ZBTB20: variants seen among roughly 807,000 people sequenced by gnomAD.
The protein encoded by ZBTB20 is zinc finger and BTB domain-containing protein 20.
In ZBTB20, 9 loss-of-function variants were observed where a neutral mutation model predicts 56.9. The observed-to-expected ratio is 0.16, with a 90% CI of 0.10 to 0.28. ZBTB20 has a LOEUF of 0.28. Among genes scored for constraint, ZBTB20 ranks in the 10% least tolerant of loss-of-function variants. The pLI is 1.00. For synonymous variants in ZBTB20, 417 were observed against 420.7 expected (o/e 0.99, Z 0.11); for missense variants, 655 against 1,003.0 (o/e 0.65, Z 4.69).
intron 6 of ZBTB20, among the ~76,000 whole-genome samples, chr3:114,603,657 A>G (rs188904132): frequency 6.6e-6 from 1 of 152,114 alleles, no homozygotes. Flanking sequence ...AGATAAAAGG[A>G]TTATCATCTT....
chr3:114,326,446 T>A lies in ZBTB20; in HGVS notation c.*12559A>T, dbSNP rs1254739285. On this transcript the variant is annotated 3_prime_UTR_variant, in exon 12 of 12. Coordinates refer to ENST00000675478, the MANE Select transcript of ZBTB20 (RefSeq NM_001348800.3). ...AGAGAATTTCTCTCTTAAAAGCTCA[T>A]GAGTGCTATTTGAAATGGAAGATAA... The A allele has an allele frequency of 1.3e-5, 2 of 152,102 alleles. No homozygotes were observed. Among genetic ancestry groups the A allele is most frequent in the Non-Finnish European group, 2.9e-5 (2 of 68,008 alleles). The allele number at this position is 152,102 out of a possible 1,614,324, so 9.4% of individuals were successfully genotyped here. A position where few individuals can be genotyped will look rare whatever the true frequency, so the allele number is the denominator to read the frequency against.
At chr3:114,533,125 T>C (rs1156827996) in intron 6 of ZBTB20, among the ~76,000 whole-genome samples, 3 of 151,672 alleles carry the variant, frequency 2.0e-5, no homozygotes, top group African/African-American at 4.8e-5. Context: ...GGAACAAAAC[T>C]GGATGGAGAA....
intron 2 of ZBTB20, among the ~76,000 whole-genome samples, chr3:115,029,016 A>T (rs1020006597): frequency 1.3e-5 from 2 of 150,510 alleles, no homozygotes; most frequent in Non-Finnish European, 3.0e-5. Flanking sequence ...AAAAAAATTA[A>T]GAAATAATTA....
rs1463367256 is a variant in ZBTB20, at chr3:114,324,805, A to G, written c.*14200T>C. On this transcript the variant is annotated 3_prime_UTR_variant, in exon 12 of 12. Transcript: ENST00000675478. The stretch of plus-strand genomic sequence containing the variant: ...GTGGCAATATTGAGTGATTCTGGAA[A>G]AATGATTTGTATTTGATCATCCTCA... 1.3e-5 allele frequency: 2 copies of G among 152,168 alleles called. No individual in the cohort carries two copies. Among genetic ancestry groups the G allele is most frequent in the African/African-American group, 4.8e-5 (2 of 41,442 alleles). 9.4% of individuals were successfully genotyped at this position (152,168 alleles called of 1,614,324 possible).
At chr3:115,103,846 G>A (rs1286167452) in intron 1 of ZBTB20, among the ~76,000 whole-genome samples, 3 of 152,118 alleles carry the variant, frequency 2.0e-5, no homozygotes, top group Non-Finnish European at 4.4e-5. Context: ...TAATTGATAA[G>A]CTGGATTTAA....
chr3:114,753,158 GA>G (rs1437371966), intron 5 of ZBTB20, among the ~76,000 whole-genome samples: 1 of 151,156 alleles, frequency 6.6e-6, no homozygotes, highest in Non-Finnish European at 1.5e-5. Context: ...GAAATAATAT[GA>G]GGATAATTAG....
intron 4 of ZBTB20, among the ~76,000 whole-genome samples, chr3:114,810,686 T>G (rs1186235175): frequency 6.6e-6 from 1 of 152,220 alleles, no homozygotes; most frequent in Non-Finnish European, 1.5e-5. Context: ...TTTTAATCTA[T>G]AGTGGGCATA....
At chr3:114,959,720 T>TACACACAC (rs56785871) in intron 3 of ZBTB20, among the ~76,000 whole-genome samples, 220 of 145,354 alleles carry the variant, frequency 1.5e-3, no homozygotes, top group African/African-American at 2.4e-3. Context: ...TTTATATACA[T>TACACACAC]ACACACACAC....
At chr3:115,075,577 A>T (rs2082565230) in intron 1 of ZBTB20, among the ~76,000 whole-genome samples, 2 of 152,280 alleles carry the variant, frequency 1.3e-5, no homozygotes, top group South Asian at 4.1e-4. Flanking sequence ...AATCTTTTTG[A>T]GATCCCGATT....
chr3:114,842,133 T>C (rs568150757), intron 4 of ZBTB20, among the ~76,000 whole-genome samples: 14 of 152,306 alleles, frequency 9.2e-5, no homozygotes, highest in African/African-American at 3.4e-4. Context: ...TTCAAGAGGT[T>C]AGGCTTGAGG....
chr3:114,380,698 G>A (rs1426677110), intron 9 of ZBTB20, 79 bp downstream of exon 9: 2 of 1,446,852 alleles, frequency 1.4e-6, no homozygotes, highest in Non-Finnish European at 1.8e-6. Flanking sequence ...ACGTATGGCT[G>A]ACATTATCCA....
At chr3:114,975,811 A>G (rs1011257793) in intron 2 of ZBTB20, among the ~76,000 whole-genome samples, 3 of 152,200 alleles carry the variant, frequency 2.0e-5, no homozygotes, top group Non-Finnish European at 4.4e-5. Flanking sequence ...ATATATTACA[A>G]AAGTTACTTT....
At chr3:115,008,334 C>T (rs1363067634) in intron 2 of ZBTB20, among the ~76,000 whole-genome samples, 1 of 151,874 alleles carries the variant, frequency 6.6e-6, no homozygotes, top group African/African-American at 2.4e-5. Flanking sequence ...CAAGCCCTTT[C>T]CTTTGTTTCC....
rs2079553758 is a variant in ZBTB20, at chr3:114,338,817, G to A, written c.*188C>T. 2 of 594,656 alleles carry A rather than the reference G, an allele frequency of 3.4e-6. No homozygotes were observed. The highest frequency in any genetic ancestry group is 1.9e-5 in the African/African-American group (1 of 53,364). The allele number at this position is 594,656 out of a possible 1,614,324, so 36.8% of individuals were successfully genotyped here. A position where few individuals can be genotyped will look rare whatever the true frequency, so the allele number is the denominator to read the frequency against. Reference sequence around the variant, plus strand: ...AAAACTATTATTCACCCAAGCCTCCGGAAATGTAATGTACCAGCAGGCAAA... The same window carrying A: ...AAAACTATTATTCACCCAAGCCTCCAGAAATGTAATGTACCAGCAGGCAAA... On this transcript the variant is annotated 3_prime_UTR_variant, in exon 12 of 12. Coordinates refer to ENST00000675478, the MANE Select transcript of ZBTB20 (RefSeq NM_001348800.3).
chr3:114,853,562 G>A lies in ZBTB20; in HGVS notation c.-417+46742C>T, dbSNP rs187905436. On this transcript the variant is annotated intron_variant, in intron 4 of 11. Transcript: ENST00000675478. ...CCTTCTCTCAATCAAGTGCTTGCCC[G>A]TCCTTGTCCTTAAACCCCTGGACTA... Among the ~76,000 whole-genome samples the A allele has an allele frequency of 4.9e-4, 74 of 152,230 alleles. 1 individual carries two copies. The highest frequency in any genetic ancestry group is 1.5e-3 in the African/African-American group (64 of 41,532).
chr3:114,637,105 A>G (rs144319887), intron 6 of ZBTB20, among the ~76,000 whole-genome samples: 11 of 152,250 alleles, frequency 7.2e-5, no homozygotes, highest in African/African-American at 2.2e-4. Context: ...AGGTCATTAT[A>G]TAACAAGAAA....
At chr3:114,886,464 A>G (rs895164028) in intron 4 of ZBTB20, among the ~76,000 whole-genome samples, 5 of 152,220 alleles carry the variant, frequency 3.3e-5, no homozygotes, top group African/African-American at 7.2e-5. Context: ...CTAAATTTCA[A>G]TTGTATACTT....
intron 5 of ZBTB20, among the ~76,000 whole-genome samples, chr3:114,785,177 G>T (rs151095489): frequency 6.6e-6 from 1 of 152,282 alleles, no homozygotes; most frequent in Non-Finnish European, 1.5e-5. Context: ...TCCTTCAGCT[G>T]AAATAGGAGT....
At chr3:114,779,461 T>C (rs781369494) in intron 5 of ZBTB20, among the ~76,000 whole-genome samples, 1 of 152,202 alleles carries the variant, frequency 6.6e-6, no homozygotes, top group African/African-American at 2.4e-5. Flanking sequence ...CTAGTTGACA[T>C]AGAACTCACG....
Sources: allele counts gnomAD v4.1 joint callset (sites outside exome capture counted in the v4.1 genomes callset), GRCh38; gene constraint gnomAD v4.1.1; transcripts MANE v1.5; gene names NCBI Gene and HGNC (gene_info 2026-07-23, HGNC 2026-07-21).